STMN2: variants seen among roughly 807,000 people sequenced by gnomAD.
STMN2 encodes the protein stathmin-2.
A neutral mutation model predicts 24.1 loss-of-function variants in STMN2; 2 were observed. That is an observed-to-expected ratio of 0.08 (90% CI 0.03 to 0.26). The LOEUF is 0.26. Ranked by LOEUF, STMN2 falls within the 10% of genes least tolerant of loss-of-function variation. The probability of loss-of-function intolerance (pLI) is 1.00; values close to 1 mark genes in which losing one functional copy is unlikely to be tolerated. For synonymous variants in STMN2, 83 were observed against 77.5 expected, an observed-to-expected ratio of 1.07 and a Z score of -0.37; for missense variants, 114 against 213.6, an observed-to-expected ratio of 0.53 and a Z score of 2.91.
chr8:79,646,893 G>T (rs1207817413), intron 3 of STMN2, among the ~76,000 whole-genome samples: 1 of 152,120 alleles, frequency 6.6e-6, no homozygotes, highest in Non-Finnish European at 1.5e-5. Context: ...CCACAGAGGC[G>T]AGAATGCAGA....
intron 3 of STMN2, among the ~76,000 whole-genome samples, chr8:79,643,850 T>C (rs1344487108): frequency 6.6e-6 from 1 of 152,156 alleles, no homozygotes; most frequent in African/African-American, 2.4e-5. Flanking sequence ...TTCCTTAGAA[T>C]GCTTTAAAAG....
intron 1 of STMN2, among the ~76,000 whole-genome samples, chr8:79,618,624 A>C (rs1809439617): frequency 6.6e-6 from 1 of 152,192 alleles, no homozygotes; most frequent in Non-Finnish European, 1.5e-5. Context: ...AAACATTTTT[A>C]ATTATCTTTT....
At chr8:79,621,493 C>T (rs988297959) in intron 1 of STMN2, among the ~76,000 whole-genome samples, 16 of 152,204 alleles carry the variant, frequency 1.1e-4, no homozygotes, top group Non-Finnish European at 2.1e-4. Flanking sequence ...CAGCATCAGA[C>T]GTTTTGCAGT....
At chr8:79,638,491 G>A (rs534610672) in intron 2 of STMN2, among the ~76,000 whole-genome samples, 30 of 152,192 alleles carry the variant, frequency 2.0e-4, no homozygotes, top group African/African-American at 7.2e-4. Context: ...AAAAGAGTCC[G>A]TAGAGAATTT....
At chr8:79,653,612 T>C (rs1810380667) in intron 3 of STMN2, among the ~76,000 whole-genome samples, 1 of 152,216 alleles carries the variant, frequency 6.6e-6, no homozygotes, top group African/African-American at 2.4e-5. Context: ...ATATTGTTTA[T>C]ACAAAAAGAC....
intron 1 of STMN2, among the ~76,000 whole-genome samples, chr8:79,627,530 C>T (rs1403417014): frequency 6.6e-6 from 1 of 152,180 alleles, no homozygotes; most frequent in Non-Finnish European, 1.5e-5. Flanking sequence ...GTTTATGCAT[C>T]ACTTATTCTA....
chr8:79,627,133 C>T (rs1395619295), intron 1 of STMN2, among the ~76,000 whole-genome samples: 20 of 152,044 alleles, frequency 1.3e-4, no homozygotes, highest in Admixed American at 1.3e-3. Flanking sequence ...AAGATATGAG[C>T]AATGTTTAAA....
chr8:79,663,739 T>TTATATAA, intron 4 of STMN2: 5 of 1,190,476 alleles, frequency 4.2e-6, no homozygotes, highest in Non-Finnish European at 4.6e-6. Flanking sequence ...TGAACATTTA[T>TTATATAA]TTAGCGCCTA....
At chr8:79,636,042 CTCTG>C (rs1026240259) in intron 1 of STMN2, among the ~76,000 whole-genome samples, 4 of 152,060 alleles carry the variant, frequency 2.6e-5, no homozygotes, top group Admixed American at 1.3e-4. Flanking sequence ...CCTGGTGAAA[CTCTG>C]TCTGTACAAA....
At chr8:79,660,365 C>T (rs1008538986) in intron 4 of STMN2, among the ~76,000 whole-genome samples, 1 of 152,160 alleles carries the variant, frequency 6.6e-6, no homozygotes, top group African/African-American at 2.4e-5. Context: ...ACCAAAGGAG[C>T]TTTCAGTATC....
intron 1 of STMN2, 123 bp downstream of exon 1, chr8:79,611,337 A>G (rs921275774): frequency 3.1e-5 from 41 of 1,322,142 alleles, no homozygotes; most frequent in Non-Finnish European, 3.5e-5. Flanking sequence ...GTAACACAGG[A>G]CCAGGAAGGA....
chr8:79,658,058 GGCAAGAGAAT>G (rs1245491351), intron 4 of STMN2, among the ~76,000 whole-genome samples: 2 of 152,204 alleles, frequency 1.3e-5, no homozygotes, highest in Non-Finnish European at 2.9e-5. Context: ...GGGAGGCCAA[GGCAAGAGAAT>G]TGCTTGAAGC....
In STMN2 at chr8:79,611,159, T is replaced by G. The variant is rs771640398; in HGVS notation, c.-37T>G. The G allele has an allele frequency of 1.9e-6, 3 of 1,613,854 alleles. No individual in the cohort carries two copies. The East Asian group carries it at 6.7e-5, about 36-fold the overall frequency. The stretch of plus-strand genomic sequence containing the variant: ...TCTCCGCTGCTGTAGCCGGACCCTT[T>G]GCCTTCGCCACTGCTCAGCGTCTGC... On this transcript the variant is annotated 5_prime_UTR_variant, in exon 1 of 5. Transcript: ENST00000220876.
chr8:79,619,662 C>A (rs1358042810), intron 1 of STMN2, among the ~76,000 whole-genome samples: 1 of 152,126 alleles, frequency 6.6e-6, no homozygotes, highest in African/African-American at 2.4e-5. Flanking sequence ...TGCTTCAGAA[C>A]ATAATTATTT....
intron 2 of STMN2, among the ~76,000 whole-genome samples, chr8:79,639,929 T>C (rs1461362285): frequency 1.3e-5 from 2 of 152,140 alleles, no homozygotes; most frequent in Non-Finnish European, 2.9e-5. Flanking sequence ...CGGCCGGGCG[T>C]GGTGGCTCAC....
At chr8:79,632,471 A>G (rs1809827229) in intron 1 of STMN2, among the ~76,000 whole-genome samples, 1 of 152,214 alleles carries the variant, frequency 6.6e-6, no homozygotes, top group African/African-American at 2.4e-5. Context: ...GAGAAAGGAA[A>G]AGTGGAGAGG....
At chr8:79,612,675 G>C (rs6982312) in intron 1 of STMN2, among the ~76,000 whole-genome samples, 16 of 152,186 alleles carry the variant, frequency 1.1e-4, no homozygotes, top group African/African-American at 3.9e-4. Context: ...GTGGGGCCTG[G>C]GGTCCTGTGG....
chr8:79,613,943 A>C (rs1165627362), intron 1 of STMN2, among the ~76,000 whole-genome samples: 1 of 152,242 alleles, frequency 6.6e-6, no homozygotes, highest in East Asian at 1.9e-4. Context: ...AATGGGTGAG[A>C]ATACACATAT....
intron 3 of STMN2, among the ~76,000 whole-genome samples, chr8:79,654,342 T>A (rs1310846827): frequency 6.8e-6 from 1 of 146,278 alleles, no homozygotes; most frequent in Non-Finnish European, 1.5e-5. Context: ...GACTTTGGTG[T>A]ATGGGGGATA....
Sources: gnomAD v4.1 joint callset for allele counts (sites outside exome capture counted in the v4.1 genomes callset) on GRCh38, gnomAD v4.1.1 for gene constraint, MANE v1.5 for transcripts, NCBI Gene and HGNC (gene_info 2026-07-23, HGNC 2026-07-21) for gene names.